CHRNB1: variants seen among roughly 807,000 people sequenced by gnomAD.
CHRNB1 encodes acetylcholine receptor subunit beta.
In CHRNB1, 47 loss-of-function variants were observed where a neutral mutation model predicts 53.8. The observed-to-expected ratio is 0.87, with a 90% confidence interval of 0.69 to 1.11. CHRNB1 has a LOEUF of 1.11. Ranked by LOEUF, CHRNB1 falls within the 50% of genes most tolerant of loss-of-function variation. The pLI is 0.00. For synonymous variants in CHRNB1, 259 were observed against 263.5 expected, an observed-to-expected ratio of 0.98 and a Z score of 0.16; for missense variants, 605 against 654.9, an observed-to-expected ratio of 0.92 and a Z score of 0.83.
At chr17:7,455,092 C>A (rs1467400788) in intron 8 of CHRNB1, among the ~76,000 whole-genome samples, 192 bp from the exon 9 acceptor site, 1 of 151,870 alleles carries the variant, frequency 6.6e-6, no homozygotes, top group Non-Finnish European at 1.5e-5. Flanking sequence ...CGTGAGCCAC[C>A]GCGACAGGCC....
chr17:7,454,806 T>C (rs1909015283), intron 8 of CHRNB1, among the ~76,000 whole-genome samples: 1 of 144,720 alleles, frequency 6.9e-6, no homozygotes, highest in African/African-American at 2.6e-5. Flanking sequence ...TTTTTTTTTT[T>C]TTTTTTTTTT....
At chr17:7,448,518 T>C in intron 6 of CHRNB1, 61 bp from the exon 7 acceptor site, 1 of 1,534,286 alleles carries the variant, frequency 6.5e-7, no homozygotes, top group South Asian at 1.1e-5. Context: ...GAGCAAGCCA[T>C]ACCTGGCACT....
At chr17:7,451,240 G>A (rs908024249) in intron 7 of CHRNB1, among the ~76,000 whole-genome samples, 3 of 151,248 alleles carry the variant, frequency 2.0e-5, no homozygotes, top group African/African-American at 7.3e-5. Context: ...TGTGTTGGGT[G>A]GATGTTTCAG....
In CHRNB1 at chr17:7,445,687, C is replaced by A; in HGVS notation, c.198+278C>A. ...GACGAGGCAGGGGCTGGGGGACGGACCTCGACGTAGGGCCACATGAGTCCT... is the reference window on the plus strand; with the variant it reads ...GACGAGGCAGGGGCTGGGGGACGGAACTCGACGTAGGGCCACATGAGTCCT... On this transcript the variant is annotated intron_variant, in intron 2 of 10. Coordinates refer to ENST00000306071, the MANE Select transcript of CHRNB1 (RefSeq NM_000747.3). This position sits in a 1 kb window ranked among gnomAD's most constrained non-coding sequence, Gnocchi z 5.7. 1 of 1,241,996 alleles carries A rather than the reference C, an allele frequency of 8.1e-7. No homozygotes were observed. Among genetic ancestry groups the A allele is most frequent in the African/African-American group, 1.5e-5 (1 of 65,990 alleles). 76.9% of individuals were successfully genotyped at this position (1,241,996 alleles called of 1,614,324 possible).
intron 5 of CHRNB1, 134 bp from the exon 6 acceptor site, chr17:7,447,369 C>A: frequency 1.8e-6 from 2 of 1,094,472 alleles, no homozygotes; most frequent in Non-Finnish European, 2.7e-6. Context: ...ATCCCTCCCC[C>A]ATTAATGGCT....
Position 7,456,782 on chromosome 17 carries a change from G to A in CHRNB1, c.*59G>A. The A allele has an allele frequency of 6.2e-7, 1 of 1,604,652 alleles. No homozygotes were observed. The highest frequency in any genetic ancestry group is 8.5e-7 in the Non-Finnish European group (1 of 1,171,978). On this transcript the variant is annotated 3_prime_UTR_variant, in exon 11 of 11. Transcript: ENST00000306071. ...GTTGAAGTGAGAGTTTGGTGATACT[G>A]TCAAGCCCTATCCTTCTCTGCCTCT...
In CHRNB1 at chr17:7,452,141, C is replaced by T. The variant is rs113286297; in HGVS notation, c.821-2156C>T. 7.4e-3 allele frequency among the ~76,000 whole-genome samples: 1,130 copies of T among 151,792 alleles called. 8 individuals carry two copies. The highest frequency in any genetic ancestry group is 0.011 in the Admixed American group (171 of 15,242). On this transcript the variant is annotated intron_variant, in intron 7 of 10. Coordinates refer to ENST00000306071, the MANE Select transcript of CHRNB1 (RefSeq NM_000747.3). ...CACGATCTTGGCTCACTGCAACCTC[C>T]GCCTCCCGGGTTCAAGCGATTATTC...
Position 7,445,185 on chromosome 17 carries a change from G to C in CHRNB1, c.58G>C (p.Gly20Arg), listed in dbSNP as rs1339796774. Residue 20 changes from glycine to arginine, a missense_variant and splice_region_variant, in exon 1 of 11, where the codon GGC becomes CGC. Transcript: ENST00000306071. The surrounding 1 kb of genome is among the most constrained non-coding windows in gnomAD (Gnocchi z 5.7). Reference protein sequence around the residue: ...LGALGAPLAPGVRGSEAEGRL... With the variant: ...LGALGAPLAPRVRGSEAEGRL... ...GGCGCTGGGGGCGCCGCTCGCCCCA[G>C]GTAAGTGTAGGCCCCGAAGGGGCAG... The C allele has an allele frequency of 2.5e-6, 4 of 1,610,486 alleles. No individual in the cohort carries two copies. The highest frequency in any genetic ancestry group is 3.4e-6 in the Non-Finnish European group (4 of 1,179,462).
At chr17:7,455,519 T>A (rs1193600500) in intron 9 of CHRNB1, 63 bp downstream of exon 9, 1 of 1,598,716 alleles carries the variant, frequency 6.3e-7, no homozygotes, top group African/African-American at 1.3e-5. Context: ...CAGAAGAGTG[T>A]GCGGAAGAAG....
chr17:7,454,211 T>A, intron 7 of CHRNB1, 86 bp from the exon 8 acceptor site: 1 of 1,160,014 alleles, frequency 8.6e-7, no homozygotes, highest in Non-Finnish European at 1.3e-6. Flanking sequence ...TGTCTTTGAA[T>A]GGCCTGGAAA....
Position 7,447,767 on chromosome 17 carries a change from G to A in CHRNB1, c.610+117G>A. 5 of 1,238,254 alleles carry A rather than the reference G, an allele frequency of 4.0e-6. 1 individual carries two copies. The South Asian group carries it at 4.9e-5, about 12-fold the overall frequency. The allele number at this position is 1,238,254 out of a possible 1,614,324, so 76.7% of individuals were successfully genotyped here. Reference sequence around the variant, plus strand: ...CCTGTGGGGTCAGCAGGATGGGTATGGCTATCTACATTTTAAAAGTATGGA... The same window carrying A: ...CCTGTGGGGTCAGCAGGATGGGTATAGCTATCTACATTTTAAAAGTATGGA... On this transcript the variant is annotated intron_variant, in intron 6 of 10. Transcript: ENST00000306071.
chr17:7,447,013 C>T, intron 4 of CHRNB1, 30 bp from the exon 5 acceptor site: 1 of 1,611,748 alleles, frequency 6.2e-7, no homozygotes, highest in Non-Finnish European at 8.5e-7. Flanking sequence ...GGCGCGGGGC[C>T]TGATCCCTGA....
intron 7 of CHRNB1, among the ~76,000 whole-genome samples, chr17:7,452,870 A>C (rs1908938230): frequency 6.6e-6 from 1 of 152,134 alleles, no homozygotes; most frequent in African/African-American, 2.4e-5. Flanking sequence ...TAAAAATACA[A>C]AAAGTTAGCC....
At chr17:7,455,252 G>A (rs1460792139) in intron 8 of CHRNB1, 32 bp from the exon 9 acceptor site, 1 of 1,613,548 alleles carries the variant, frequency 6.2e-7, no homozygotes, top group Non-Finnish European at 8.5e-7. Flanking sequence ...AAGCATGAAA[G>A]CCCCCACCAA....
intron 7 of CHRNB1, 23 bp downstream of exon 7, chr17:7,448,811 A>T (rs1405763780): frequency 2.5e-6 from 4 of 1,609,506 alleles, no homozygotes; most frequent in Non-Finnish European, 3.4e-6. Flanking sequence ...GGGGCTCCTT[A>T]CTCTTTTGTC....
rs1481230884 is a variant in CHRNB1, at chr17:7,445,847, G to A, written c.199-222G>A. ...TAGGCGGAGGGCTAGGCAGGGGCGG[G>A]TCTGGTAGGTTGATAGGCTGGGAGT... On this transcript the variant is annotated intron_variant, in intron 2 of 10. Coordinates refer to ENST00000306071, the MANE Select transcript of CHRNB1 (RefSeq NM_000747.3). The surrounding 1 kb of genome is among the most constrained non-coding windows in gnomAD (Gnocchi z 5.7). The A allele has an allele frequency of 3.2e-6, 2 of 629,478 alleles. No individual in the cohort carries two copies. The highest frequency in any genetic ancestry group is 5.3e-5 in the Admixed American group (2 of 37,894). 39.0% of individuals were successfully genotyped at this position (629,478 alleles called of 1,614,324 possible). A position where few individuals can be genotyped will look rare whatever the true frequency, so the allele number is the denominator to read the frequency against.
chr17:7,446,271 G>A (rs755464828), intron 3 of CHRNB1, 158 bp downstream of exon 3: 20 of 689,740 alleles, frequency 2.9e-5, no homozygotes, highest in Non-Finnish European at 5.2e-5. Flanking sequence ...TTTACTACAG[G>A]AGTTACACCC....
chr17:7,454,894 C>T (rs1045877886), intron 8 of CHRNB1, among the ~76,000 whole-genome samples: 1 of 149,234 alleles, frequency 6.7e-6, no homozygotes, highest in African/African-American at 2.5e-5. Flanking sequence ...CCTTCACCTC[C>T]CAGGTTCCAG....
In CHRNB1 at chr17:7,447,555, A is replaced by G. The variant is rs1467350085; in HGVS notation, c.515A>G (p.Tyr172Cys). Reference sequence around the variant, plus strand: ...AATTGCACTATGGTGTTCAGCTCCTACAGCTACGACAGCTCGGAGGTCAGC... The same window carrying G: ...AATTGCACTATGGTGTTCAGCTCCTGCAGCTACGACAGCTCGGAGGTCAGC... ...WQNCTMVFSS[Y>C]SYDSSEVSLQ... The change falls in exon 6 of 11, where the codon TAC becomes TGC. Residue 172 changes from tyrosine (Y) to cysteine (C), a missense_variant. Physicochemically the swap from Tyr to Cys is radical, Grantham distance 194. Transcript: ENST00000306071. The G allele has an allele frequency of 3.7e-6, 6 of 1,614,164 alleles. No homozygotes were observed. The East Asian group carries it at 8.9e-5, about 24-fold the overall frequency.
Sources: allele counts gnomAD v4.1 joint callset (sites outside exome capture counted in the v4.1 genomes callset), GRCh38; gene constraint gnomAD v4.1.1; non-coding constraint Gnocchi (gnomAD v3.1); transcripts MANE v1.5; gene names NCBI Gene and HGNC (gene_info 2026-07-23, HGNC 2026-07-21).